MDGA2: variants seen among roughly 807,000 people sequenced by gnomAD.
The protein encoded by MDGA2 is MAM domain-containing glycosylphosphatidylinositol anchor protein 2.
A neutral mutation model predicts 117.8 loss-of-function variants in MDGA2; 40 were observed. The observed-to-expected ratio is 0.34, with a 90% CI of 0.26 to 0.44. The LOEUF (loss-of-function observed/expected upper bound fraction) is 0.44. MDGA2 is among the 20% of genes least tolerant of loss of function. The pLI, the probability that MDGA2 is intolerant of heterozygous loss-of-function variation, is 1.00. For missense variants in MDGA2, 1,123 were observed against 1,250.6 expected (o/e 0.90, Z 1.54); for synonymous variants, 452 against 439.0 (o/e 1.03, Z -0.37).
chr14:47,087,829 G>C (rs984879942), intron 6 of MDGA2, among the ~76,000 whole-genome samples: 4 of 148,916 alleles, frequency 2.7e-5, no homozygotes, highest in African/African-American at 9.8e-5. Context: ...ACTACCAAGA[G>C]TCTCAAAGAA....
intron 2 of MDGA2, among the ~76,000 whole-genome samples, chr14:47,265,346 A>G (rs74045375): frequency 0.03 from 4,520 of 152,236 alleles, 223 homozygotes; most frequent in African/African-American, 0.1. Flanking sequence ...GTGTTTAAGA[A>G]TAATCTTTCA....
chr14:47,642,967 T>C (rs887364262), intron 1 of MDGA2, among the ~76,000 whole-genome samples: 2 of 152,026 alleles, frequency 1.3e-5, no homozygotes, highest in African/African-American at 4.8e-5. Context: ...TCCTCATATG[T>C]CAACAAATAA....
At chr14:47,345,213 C>T (rs1468420410) in intron 1 of MDGA2, among the ~76,000 whole-genome samples, 1 of 152,028 alleles carries the variant, frequency 6.6e-6, no homozygotes, top group Non-Finnish European at 1.5e-5. Context: ...GTTCTGAATA[C>T]TAAATGTTCA....
chr14:47,136,479 G>A (rs1194121122), intron 4 of MDGA2, among the ~76,000 whole-genome samples: 5 of 152,104 alleles, frequency 3.3e-5, no homozygotes, highest in African/African-American at 1.2e-4. Flanking sequence ...TTACAGGCAT[G>A]AGCCACTGCA....
At chr14:47,076,466 CT>C (rs1417067408) in intron 6 of MDGA2, among the ~76,000 whole-genome samples, 1 of 151,870 alleles carries the variant, frequency 6.6e-6, no homozygotes, top group African/African-American at 2.4e-5. Context: ...AATGGGGCTG[CT>C]GAAAGTACAA....
intron 5 of MDGA2, among the ~76,000 whole-genome samples, chr14:47,101,239 CTGT>C (rs752024650): frequency 4.5e-4 from 68 of 152,168 alleles, no homozygotes; most frequent in Non-Finnish European, 9.4e-4. Flanking sequence ...AACAAAAAGT[CTGT>C]GGTTTCTATT....
intron 15 of MDGA2, among the ~76,000 whole-genome samples, chr14:46,854,058 T>A (rs1185830967): frequency 1.3e-5 from 2 of 151,792 alleles, no homozygotes; most frequent in Non-Finnish European, 3.0e-5. Flanking sequence ...ATTTTTATCA[T>A]CCTGGTTTGA....
chr14:47,533,297 T>G (rs1194887907), intron 1 of MDGA2, among the ~76,000 whole-genome samples: 1 of 152,218 alleles, frequency 6.6e-6, no homozygotes, highest in Non-Finnish European at 1.5e-5. Flanking sequence ...TTACAAACTC[T>G]GAGCACAGAT....
intron 1 of MDGA2, among the ~76,000 whole-genome samples, chr14:47,491,152 A>C (rs549838262): frequency 6.4e-4 from 97 of 152,254 alleles, no homozygotes; most frequent in African/African-American, 2.2e-3. Flanking sequence ...TTATCCTAAA[A>C]TTATCACTAA....
chr14:47,581,241 T>G (rs544095403), intron 1 of MDGA2, among the ~76,000 whole-genome samples: 2 of 152,066 alleles, frequency 1.3e-5, no homozygotes, highest in Admixed American at 1.3e-4. Flanking sequence ...TAGAAAGTAG[T>G]TCTCAACAGG....
At chr14:46,918,009 T>G (rs1390812192) in intron 10 of MDGA2, among the ~76,000 whole-genome samples, 1 of 152,264 alleles carries the variant, frequency 6.6e-6, no homozygotes, top group East Asian at 1.9e-4. Context: ...AACAAAGTAT[T>G]TGAGGTGCAT....
chr14:47,355,448 T>C (rs1008054794), intron 1 of MDGA2, among the ~76,000 whole-genome samples: 1 of 152,122 alleles, frequency 6.6e-6, no homozygotes, highest in African/African-American at 2.4e-5. Flanking sequence ...TTAATTACCA[T>C]ATCATTCTAC....
chr14:47,143,826 T>C (rs1187462124), intron 4 of MDGA2, among the ~76,000 whole-genome samples: 3 of 152,080 alleles, frequency 2.0e-5, no homozygotes, highest in African/African-American at 2.4e-5. Flanking sequence ...GGAAAACTTA[T>C]AGATTAAAAA....
chr14:47,596,413 T>C lies in MDGA2; in HGVS notation c.280+78104A>G, dbSNP rs114149511. On this transcript the variant is annotated intron_variant, in intron 1 of 16. Coordinates refer to ENST00000399232, the MANE Select transcript of MDGA2 (RefSeq NM_001113498.3). Reference sequence around the variant, plus strand: ...TTTCTGACTCATTCTGGAAAGTCCATTTTAGAGGCTTATTTCCATATTTAT... The same window carrying C: ...TTTCTGACTCATTCTGGAAAGTCCACTTTAGAGGCTTATTTCCATATTTAT... Among the ~76,000 whole-genome samples, 1,191 of 152,248 alleles carry C rather than the reference T, an allele frequency of 7.8e-3. 11 individuals carry two copies. Among genetic ancestry groups the C allele is most frequent in the African/African-American group, 0.027 (1,113 of 41,546 alleles).
intron 1 of MDGA2, among the ~76,000 whole-genome samples, chr14:47,399,131 A>G (rs1469409464): frequency 6.6e-6 from 1 of 152,220 alleles, no homozygotes; most frequent in Non-Finnish European, 1.5e-5. Context: ...GTATTGAAAG[A>G]TACTTGCAAA....
intron 4 of MDGA2, among the ~76,000 whole-genome samples, chr14:47,133,693 C>T (rs1200690020): frequency 6.6e-6 from 1 of 151,932 alleles, no homozygotes. Context: ...CTCAACATAT[C>T]CTAAATTGAA....
intron 1 of MDGA2, among the ~76,000 whole-genome samples, chr14:47,561,095 C>T (rs184986214): frequency 6.7e-6 from 1 of 148,224 alleles, no homozygotes; most frequent in African/African-American, 2.5e-5. Flanking sequence ...GTTACTTTGG[C>T]CCTATAGTAT....
intron 11 of MDGA2, among the ~76,000 whole-genome samples, chr14:46,878,859 A>G (rs931195817): frequency 6.6e-6 from 1 of 152,060 alleles, no homozygotes; most frequent in African/African-American, 2.4e-5. Context: ...GATATGTTGT[A>G]TGTACATGTA....
intron 15 of MDGA2, among the ~76,000 whole-genome samples, chr14:46,850,553 C>T (rs1314740962): frequency 6.6e-6 from 1 of 151,808 alleles, no homozygotes; most frequent in Non-Finnish European, 1.5e-5. Context: ...CTTTGAAAAA[C>T]TTCAGGATAT....
Sources: gnomAD v4.1 joint callset for allele counts (sites outside exome capture counted in the v4.1 genomes callset) on GRCh38, gnomAD v4.1.1 for gene constraint, MANE v1.5 for transcripts, NCBI Gene and HGNC (gene_info 2026-07-23, HGNC 2026-07-21) for gene names.